CACNA2D4: variants seen among roughly 807,000 people sequenced by gnomAD.
CACNA2D4 encodes calcium voltage-gated channel auxiliary subunit alpha2delta 4.
A neutral mutation model predicts 163.8 loss-of-function variants in CACNA2D4; 157 were observed. The observed-to-expected ratio is 0.96, with a 90% CI of 0.84 to 1.09. The LOEUF is 1.09. Among genes scored for constraint, CACNA2D4 ranks in the 50% least tolerant of loss-of-function variants. The pLI is 0.00. For synonymous variants in CACNA2D4, 598 were observed against 586.9 expected, an observed-to-expected ratio of 1.02 and a Z score of -0.27; for missense variants, 1,410 against 1,479.9, an observed-to-expected ratio of 0.95 and a Z score of 0.78.
intron 22 of CACNA2D4, among the ~76,000 whole-genome samples, chr12:1,855,278 GATGAA>G (rs1235174052): frequency 1.3e-5 from 2 of 152,178 alleles, no homozygotes; most frequent in Admixed American, 1.3e-4. Flanking sequence ...CAGATTTGTT[GATGAA>G]ATGAATAAAT....
chr12:1,822,018 G>C (rs1009152457), intron 26 of CACNA2D4: 1 of 152,066 alleles, frequency 6.6e-6, no homozygotes, highest in African/African-American at 2.4e-5. Context: ...AGGGAAACCC[G>C]ACAGCAGCTT....
chr12:1,910,901 GAA>G (rs1866796595), intron 3 of CACNA2D4, among the ~76,000 whole-genome samples: 1 of 152,066 alleles, frequency 6.6e-6, no homozygotes, highest in Admixed American at 6.6e-5. Flanking sequence ...TTGGGGCGAT[GAA>G]AAAGTTTTGG....
At chr12:1,800,263 C>T (rs1212878880) in intron 32 of CACNA2D4, 123 bp downstream of exon 32, 2 of 1,133,362 alleles carry the variant, frequency 1.8e-6, no homozygotes, top group Non-Finnish European at 1.3e-6. Flanking sequence ...TTGTGCCCTC[C>T]TTCCCCGGGG....
At chr12:1,861,644 T>C (rs1475927910) in intron 18 of CACNA2D4, among the ~76,000 whole-genome samples, 1 of 152,110 alleles carries the variant, frequency 6.6e-6, no homozygotes, top group East Asian at 1.9e-4. Context: ...GGTTTCACCA[T>C]GTTGGCCAGG....
intron 26 of CACNA2D4, chr12:1,836,602 C>G (rs1221437745): frequency 6.6e-6 from 1 of 152,510 alleles, no homozygotes; most frequent in Non-Finnish European, 1.5e-5. Flanking sequence ...TGGGCTGGTA[C>G]CAGATCTGGG....
At position 1,798,511 on chromosome 12, in the gene CACNA2D4, G is replaced by A. The variant is rs906202356; in HGVS notation, c.2996-976C>T. 2.0e-5 allele frequency among the ~76,000 whole-genome samples: 3 copies of A among 151,980 alleles called. No individual in the cohort carries two copies. The highest frequency in any genetic ancestry group is 2.1e-4 in the South Asian group (1 of 4,832). On this transcript the variant is annotated intron_variant, in intron 34 of 37. Coordinates refer to ENST00000382722, the MANE Select transcript of CACNA2D4 (RefSeq NM_172364.5). This position sits in a 1 kb window ranked among gnomAD's most constrained non-coding sequence, Gnocchi z 4.3. ...TCACCGAGAGGAGCAAGCCCACAGC[G>A]GCCAGGGCTGTGAGTTTTGTCCCCA...
intron 23 of CACNA2D4, 23 bp downstream of exon 23, chr12:1,853,928 G>A: frequency 6.3e-7 from 1 of 1,593,820 alleles, no homozygotes. Flanking sequence ...TTGGGGCCTG[G>A]GAACCTGGGA....
At chr12:1,870,914 AAGAC>A (rs1865755888) in intron 18 of CACNA2D4, among the ~76,000 whole-genome samples, 1 of 152,102 alleles carries the variant, frequency 6.6e-6, no homozygotes, top group Non-Finnish European at 1.5e-5. Flanking sequence ...GAGAGAGAGA[AAGAC>A]AGTGTAAGAG....
At chr12:1,831,646 C>T (rs1399039365) in intron 26 of CACNA2D4, 3 of 815,940 alleles carry the variant, frequency 3.7e-6, no homozygotes, top group Non-Finnish European at 5.7e-6. Flanking sequence ...AAGGGGGCGA[C>T]CCTGCCTCTG....
chr12:1,879,416 G>T (rs1865945995), intron 14 of CACNA2D4, among the ~76,000 whole-genome samples: 1 of 152,162 alleles, frequency 6.6e-6, no homozygotes, highest in Non-Finnish European at 1.5e-5. Flanking sequence ...ATGGAGGATG[G>T]AAGGCTCAAG....
chr12:1,898,701 A>G (rs796067209), intron 6 of CACNA2D4, among the ~76,000 whole-genome samples: 12 of 133,398 alleles, frequency 9.0e-5, no homozygotes, highest in South Asian at 4.4e-4. Flanking sequence ...GTGTGTGTGT[A>G]TGTGTACATA....
Position 1,874,635 on chromosome 12 carries a change from G to A in CACNA2D4, c.1847C>T (p.Ser616Leu), listed in dbSNP as rs200636614. 5 of 1,613,098 alleles carry A rather than the reference G, an allele frequency of 3.1e-6. No individual in the cohort carries two copies. Among genetic ancestry groups the A allele is most frequent in the East Asian group, 2.2e-5 (1 of 44,884 alleles). Residue 616 changes from serine to leucine, a missense_variant, in exon 18 of 38, where the codon TCG (serine) becomes TTG (leucine). Ser to Leu is a moderately radical substitution (Grantham distance 145, BLOSUM62 -2). Transcript: ENST00000382722. The surrounding 1 kb of genome is among the most constrained non-coding windows in gnomAD (Gnocchi z 4.4). ...AMINRETGTL[S>L]MDVKVPMDKG... Reference sequence around the variant, plus strand: ...ATCCATCGGAACCTTCACATCCATCGAGAGAGTACCTGTTTCCCTATTGAT... The same window carrying A: ...ATCCATCGGAACCTTCACATCCATCAAGAGAGTACCTGTTTCCCTATTGAT...
intron 23 of CACNA2D4, among the ~76,000 whole-genome samples, chr12:1,850,642 C>T (rs185870122): frequency 5.7e-4 from 86 of 152,094 alleles, no homozygotes; most frequent in African/African-American, 1.9e-3. Context: ...CGGTGGCTCA[C>T]GCCTGTAATC....
intron 26 of CACNA2D4, among the ~76,000 whole-genome samples, chr12:1,838,601 C>T (rs1279065661): frequency 1.3e-5 from 2 of 152,310 alleles, no homozygotes; most frequent in Admixed American, 1.3e-4. Context: ...AGTGTAAGAG[C>T]GATTGTCTGC....
intron 36 of CACNA2D4, 123 bp from the exon 37 acceptor site, chr12:1,795,504 A>G (rs1056820844): frequency 9.7e-7 from 1 of 1,026,922 alleles, no homozygotes; most frequent in Non-Finnish European, 1.5e-6. Context: ...TAGGGTCAGG[A>G]GGCAGCACCG....
At chr12:1,831,246 A>C (rs1179089236) in intron 26 of CACNA2D4, 1 of 1,613,762 alleles carries the variant, frequency 6.2e-7, no homozygotes, top group South Asian at 1.1e-5. Context: ...GCGCAATAAC[A>C]GCATCAGGAC....
intron 26 of CACNA2D4, among the ~76,000 whole-genome samples, chr12:1,827,141 C>T (rs893945939): frequency 2.3e-4 from 35 of 152,308 alleles, no homozygotes; most frequent in Admixed American, 1.1e-3. Context: ...TGCCCATCCC[C>T]GCCCTTGCCA....
intron 26 of CACNA2D4, among the ~76,000 whole-genome samples, chr12:1,822,337 T>A (rs1391529724): frequency 6.6e-6 from 1 of 151,864 alleles, no homozygotes; most frequent in Non-Finnish European, 1.5e-5. Flanking sequence ...GTTGGGGGTG[T>A]CTGGGAGTTC....
intron 6 of CACNA2D4, among the ~76,000 whole-genome samples, chr12:1,898,878 G>A (rs1222313047): frequency 2.0e-5 from 3 of 152,168 alleles, no homozygotes; most frequent in Non-Finnish European, 4.4e-5. Flanking sequence ...ACATAGAATA[G>A]TTAAATTCAT....
Sources: gnomAD v4.1 joint callset for allele counts (sites outside exome capture counted in the v4.1 genomes callset) on GRCh38, gnomAD v4.1.1 for gene constraint, Gnocchi (gnomAD v3.1) non-coding constraint, MANE v1.5 for transcripts, NCBI Gene and HGNC (gene_info 2026-07-23, HGNC 2026-07-21) for gene names.